The following HHAT variants were observed in gnomAD, a reference collection of about 807,000 sequenced individuals.
The protein encoded by HHAT is hedgehog acyltransferase, also known as protein-cysteine N-palmitoyltransferase HHAT.
A neutral mutation model predicts 70.8 loss-of-function variants in HHAT; 47 were observed. That is an observed-to-expected ratio of 0.66 (90% CI 0.53 to 0.85). The LOEUF (loss-of-function observed/expected upper bound fraction) is 0.85. Among genes scored for constraint, HHAT ranks in the 40% least tolerant of loss-of-function variants. HHAT has a pLI of 0.00. For synonymous variants in HHAT, 228 were observed against 247.6 expected, an observed-to-expected ratio of 0.92 and a Z score of 0.74; for missense variants, 609 against 604.8, an observed-to-expected ratio of 1.01 and a Z score of -0.07.
At chr1:210,466,229 C>A (rs115132663) in intron 8 of HHAT, among the ~76,000 whole-genome samples, 1 of 152,168 alleles carries the variant, frequency 6.6e-6, no homozygotes, top group Non-Finnish European at 1.5e-5. Flanking sequence ...TTGAAAGAAA[C>A]CCTTCAAAAG....
At position 210,534,917 on chromosome 1, in the gene HHAT, T is replaced by C. The variant is rs192679141; in HGVS notation, c.1043+21729T>C. Reference sequence around the variant, plus strand: ...ACCTCCTGTGTCTAACTTTCTGGCCTTCAACAAGGACCTTCTGGATTGGGT... The same window carrying C: ...ACCTCCTGTGTCTAACTTTCTGGCCCTCAACAAGGACCTTCTGGATTGGGT... On this transcript the variant is annotated intron_variant, in intron 9 of 11. Coordinates refer to ENST00000261458, the MANE Select transcript of HHAT (RefSeq NM_018194.6). Among the ~76,000 whole-genome samples the C allele has an allele frequency of 3.0e-3, 457 of 152,344 alleles. 1 individual carries two copies. Among genetic ancestry groups the C allele is most frequent in the African/African-American group, 0.011 (440 of 41,578 alleles).
At chr1:210,407,974 A>G (rs2092398095) in intron 6 of HHAT, among the ~76,000 whole-genome samples, 1 of 152,148 alleles carries the variant, frequency 6.6e-6, no homozygotes, top group Admixed American at 6.6e-5. Flanking sequence ...GTTGAGAGCA[A>G]AGGTCCTGGA....
At chr1:210,616,914 G>T (rs1667872179) in intron 10 of HHAT, among the ~76,000 whole-genome samples, 1 of 152,212 alleles carries the variant, frequency 6.6e-6, no homozygotes, top group Non-Finnish European at 1.5e-5. Context: ...CTAAAACATA[G>T]ATTGATATTG....
chr1:210,555,520 T>C (rs1054094577), intron 9 of HHAT, among the ~76,000 whole-genome samples: 1 of 152,058 alleles, frequency 6.6e-6, no homozygotes, highest in Non-Finnish European at 1.5e-5. Flanking sequence ...CTGTGGAGAG[T>C]GGGCATGACA....
rs1206154426 is a variant in HHAT at position 210,675,134 on chromosome 1, AGT to A, written c.*758_*759del. The A allele has an allele frequency of 6.6e-6, 1 of 152,196 alleles. No individual in the cohort carries two copies. Among genetic ancestry groups the A allele is most frequent in the African/African-American group, 2.4e-5 (1 of 41,442 alleles). The allele number at this position is 152,196 out of a possible 1,614,324, so 9.4% of individuals were successfully genotyped here. ...AAGCAGAATTTAGAAACCACAGGAT[AGT>A]GTACCCACAGATGGGTGTTATCAAG... On this transcript the variant is annotated 3_prime_UTR_variant, in exon 12 of 12. Coordinates refer to ENST00000261458, the MANE Select transcript of HHAT (RefSeq NM_018194.6).
At chr1:210,511,591 C>A (rs576158037) in intron 8 of HHAT, among the ~76,000 whole-genome samples, 2 of 151,934 alleles carry the variant, frequency 1.3e-5, no homozygotes, top group South Asian at 2.1e-4. Flanking sequence ...GTCAGACCCC[C>A]CCTCGAGGGT....
chr1:210,648,154 C>G (rs565619062), intron 11 of HHAT, among the ~76,000 whole-genome samples: 40 of 152,200 alleles, frequency 2.6e-4, no homozygotes, highest in Admixed American at 1.6e-3. Flanking sequence ...ACTTGCCTTT[C>G]CCTTTGTTTA....
At chr1:210,561,674 G>A (rs750863148) in intron 9 of HHAT, among the ~76,000 whole-genome samples, 16 of 152,122 alleles carry the variant, frequency 1.1e-4, no homozygotes, top group Non-Finnish European at 1.3e-4. Context: ...AATAATAATT[G>A]TATATATTTA....
At chr1:210,666,579 G>C (rs964699567) in intron 11 of HHAT, among the ~76,000 whole-genome samples, 1 of 152,160 alleles carries the variant, frequency 6.6e-6, no homozygotes, top group Non-Finnish European at 1.5e-5. Flanking sequence ...TGCCTCCCGG[G>C]TTCAAGTGAT....
chr1:210,529,316 A>AG (rs989222451), intron 9 of HHAT, among the ~76,000 whole-genome samples: 1 of 143,088 alleles, frequency 7.0e-6, no homozygotes. Flanking sequence ...AAAAAAACAA[A>AG]GGAAAAAAAA....
In HHAT at chr1:210,417,349, C is replaced by T. The variant is rs2006017; in HGVS notation, c.685-805C>T. 5.0e-3 allele frequency among the ~76,000 whole-genome samples: 758 copies of T among 152,332 alleles called. 3 individuals carry two copies. Among genetic ancestry groups the T allele is most frequent in the South Asian group, 0.019 (93 of 4,824 alleles). On this transcript the variant is annotated intron_variant, in intron 6 of 11. Coordinates refer to ENST00000261458, the MANE Select transcript of HHAT (RefSeq NM_018194.6). ...CCAGGTTCAAGCAATTCTCCTGCCTCAGCCTCCTGAGTAGCTGGGATTACA... is the reference window on the plus strand; with the variant it reads ...CCAGGTTCAAGCAATTCTCCTGCCTTAGCCTCCTGAGTAGCTGGGATTACA...
intron 10 of HHAT, among the ~76,000 whole-genome samples, chr1:210,602,616 G>A (rs998125842): frequency 4.6e-5 from 7 of 152,148 alleles, no homozygotes; most frequent in Admixed American, 3.9e-4. Context: ...AGAAATTTAG[G>A]AACAGAAACC....
chr1:210,609,452 A>G lies in HHAT; in HGVS notation c.1246-14074A>G, dbSNP rs191822454. Among the ~76,000 whole-genome samples, 4 of 152,228 alleles carry G rather than the reference A, an allele frequency of 2.6e-5. No homozygotes were observed. In the East Asian group the frequency reaches 7.7e-4, roughly 29 times the overall value. ...TAATTCTTGCAAATTGTTGATATTC[A>G]TTATTTTATTGCAGTGTTATCAGTG... On this transcript the variant is annotated intron_variant, in intron 10 of 11. Coordinates refer to ENST00000261458, the MANE Select transcript of HHAT (RefSeq NM_018194.6).
intron 1 of HHAT, among the ~76,000 whole-genome samples, chr1:210,343,794 A>C (rs1321496705): frequency 6.6e-6 from 1 of 152,190 alleles, no homozygotes; most frequent in African/African-American, 2.4e-5. Flanking sequence ...GTCCAGATGC[A>C]CGTAGGATGG....
At chr1:210,604,288 A>G (rs912241062) in intron 10 of HHAT, among the ~76,000 whole-genome samples, 6 of 148,230 alleles carry the variant, frequency 4.0e-5, no homozygotes, top group South Asian at 2.2e-4. Flanking sequence ...GGGTTTCACC[A>G]TGTTAGCCAG....
intron 9 of HHAT, among the ~76,000 whole-genome samples, chr1:210,544,367 G>GTTTTTTTT (rs569514246): frequency 3.3e-5 from 3 of 90,064 alleles, no homozygotes; most frequent in Non-Finnish European, 6.4e-5. Flanking sequence ...TCTTTCTTTC[G>GTTTTTTTT]TTTTTTTTTT....
intron 11 of HHAT, among the ~76,000 whole-genome samples, chr1:210,666,224 G>A (rs187053619): frequency 6.6e-6 from 1 of 152,220 alleles, no homozygotes; most frequent in Non-Finnish European, 1.5e-5. Context: ...ACACAATTCA[G>A]CAACTCAATT....
At chr1:210,477,132 CTTG>C (rs2094317381) in intron 8 of HHAT, among the ~76,000 whole-genome samples, 1 of 152,108 alleles carries the variant, frequency 6.6e-6, no homozygotes, top group South Asian at 2.1e-4. Context: ...TGACAACAAA[CTTG>C]TTGACCAGCT....
chr1:210,454,588 A>G lies in HHAT; in HGVS notation c.857-9917A>G, dbSNP rs570684657. Among the ~76,000 whole-genome samples, 6 of 152,236 alleles carry G rather than the reference A, an allele frequency of 3.9e-5. No homozygotes were observed. In the East Asian group the frequency reaches 1.2e-3, roughly 30 times the overall value. ...CTCCCTTCTTGTCCCACATTATTTCATTAAGTCTTGCCTGGCTATGTGTGT... is the reference window on the plus strand; with the variant it reads ...CTCCCTTCTTGTCCCACATTATTTCGTTAAGTCTTGCCTGGCTATGTGTGT... On this transcript the variant is annotated intron_variant, in intron 7 of 11. Coordinates refer to ENST00000261458, the MANE Select transcript of HHAT (RefSeq NM_018194.6).
Sources: gnomAD v4.1 joint callset for allele counts (sites outside exome capture counted in the v4.1 genomes callset) on GRCh38, gnomAD v4.1.1 for gene constraint, MANE v1.5 for transcripts, NCBI Gene and HGNC (gene_info 2026-07-23, HGNC 2026-07-21) for gene names.